MYRF: variants seen among roughly 807,000 people sequenced by gnomAD.
MYRF encodes myelin regulatory factor, also known as myelin gene regulatory factor.
Under a neutral mutation model 126.3 loss-of-function variants are expected in MYRF, and 16 were observed. The observed-to-expected ratio is 0.13, with a 90% CI of 0.09 to 0.19. MYRF has a LOEUF of 0.19. MYRF is among the 10% of genes least tolerant of loss of function. The pLI, the probability that MYRF is intolerant of heterozygous loss-of-function variation, is 1.00. For synonymous variants in MYRF, 608 were observed against 635.3 expected (o/e 0.96, Z 0.65); for missense variants, 1,104 against 1,547.0 (o/e 0.71, Z 4.80).
Position 61,777,117 on chromosome 11 carries a change from G to GT in MYRF, c.1591-146dup. On this transcript the variant is annotated intron_variant, in intron 11 of 26. Coordinates refer to ENST00000278836, the MANE Select transcript of MYRF (RefSeq NM_001127392.3). The surrounding 1 kb of genome is among the most constrained non-coding windows in gnomAD (Gnocchi z 8.8). Reference sequence around the variant, plus strand: ...CCACAAGTGACAAAAAGTTGTCACAGTGGGAGGGACAGTTCAAGTTGGGCT... The same window carrying GT: ...CCACAAGTGACAAAAAGTTGTCACAGTTGGGAGGGACAGTTCAAGTTGGGCT... The GT allele has an allele frequency of 1.5e-5, 13 of 888,906 alleles. No individual in the cohort carries two copies. The South Asian group carries it at 2.2e-4, about 15-fold the overall frequency. 55.1% of individuals were successfully genotyped at this position (888,906 alleles called of 1,614,324 possible). A position where few individuals can be genotyped will look rare whatever the true frequency, so the allele number is the denominator to read the frequency against.
intron 5 of MYRF, 35 bp from the exon 6 acceptor site, chr11:61,771,465 G>T: frequency 6.3e-7 from 1 of 1,592,094 alleles, no homozygotes; most frequent in Non-Finnish European, 8.6e-7. Flanking sequence ...CTCGGGGAGA[G>T]CCAGCCCCCA....
At chr11:61,775,834 G>A (rs1361783245) in intron 8 of MYRF, among the ~76,000 whole-genome samples, 1 of 151,752 alleles carries the variant, frequency 6.6e-6, no homozygotes, top group Admixed American at 6.6e-5. Flanking sequence ...TTGGGGGAGT[G>A]GTATGCTGTG....
intron 21 of MYRF, 119 bp downstream of exon 21, chr11:61,781,448 G>C: frequency 6.5e-7 from 1 of 1,538,954 alleles, no homozygotes; most frequent in Non-Finnish European, 8.8e-7. Context: ...GACAATGACT[G>C]GGAAGTTCCC....
Position 61,783,191 on chromosome 11 carries a change from C to G in MYRF, c.3017-307C>G. On this transcript the variant is annotated intron_variant, in intron 22 of 26. Transcript: ENST00000278836. The surrounding 1 kb of genome is among the most constrained non-coding windows in gnomAD (Gnocchi z 4.6). Reference sequence around the variant, plus strand: ...TCTGAACCCAGAACTGGGAGAGATGCCCGCAGTCAGGAACACAGGCCTCGA... The same window carrying G: ...TCTGAACCCAGAACTGGGAGAGATGGCCGCAGTCAGGAACACAGGCCTCGA... The G allele has an allele frequency of 3.8e-6, 1 of 261,916 alleles. No homozygotes were observed. 16.2% of individuals were successfully genotyped at this position (261,916 alleles called of 1,614,324 possible). A position where few individuals can be genotyped will look rare whatever the true frequency, so the allele number is the denominator to read the frequency against.
In MYRF at chr11:61,783,208, A is replaced by C; in HGVS notation, c.3017-290A>C. The C allele has an allele frequency of 3.4e-6, 1 of 296,970 alleles. No individual in the cohort carries two copies. Among genetic ancestry groups the C allele is most frequent in the African/African-American group, 2.1e-5 (1 of 47,056 alleles). The allele number at this position is 296,970 out of a possible 1,614,324, so 18.4% of individuals were successfully genotyped here. A position where few individuals can be genotyped will look rare whatever the true frequency, so the allele number is the denominator to read the frequency against. On this transcript the variant is annotated intron_variant, in intron 22 of 26. Coordinates refer to ENST00000278836, the MANE Select transcript of MYRF (RefSeq NM_001127392.3). This position sits in a 1 kb window ranked among gnomAD's most constrained non-coding sequence, Gnocchi z 4.6. ...GAGAGATGCCCGCAGTCAGGAACAC[A>C]GGCCTCGAGCGGGCTCCTGCACACC...
chr11:61,756,933 GCAGCAGAGGCTGCTGGGTAACAGCC>G, intron 1 of MYRF: 1 of 349,104 alleles, frequency 2.9e-6, no homozygotes, highest in Non-Finnish European at 5.7e-6. Flanking sequence ...GAGGGCCCTG[GCAGCAGAGGCTGCTGGGTAACAGCC>G]CAGCAGAGCT....
Position 61,776,201 on chromosome 11 carries a change from G to A in MYRF, c.1388+69G>A. ...CAACTAAAGCTGGCTTGGGAATGGA[G>A]GGGCCAGGGAGGTACCCAGGGTGTC... On this transcript the variant is annotated intron_variant, in intron 9 of 26. Coordinates refer to ENST00000278836, the MANE Select transcript of MYRF (RefSeq NM_001127392.3). This position sits in a 1 kb window ranked among gnomAD's most constrained non-coding sequence, Gnocchi z 4.3. The A allele has an allele frequency of 6.3e-7, 1 of 1,594,540 alleles. No individual in the cohort carries two copies. The highest frequency in any genetic ancestry group is 1.7e-5 in the Admixed American group (1 of 59,826).
At chr11:61,767,813 CAA>C (rs35214869) in intron 3 of MYRF, among the ~76,000 whole-genome samples, 6 of 64,914 alleles carry the variant, frequency 9.2e-5, no homozygotes, top group Admixed American at 2.0e-4. Flanking sequence ...GACCCTGTCT[CAA>C]AAAAAAAAAA....
Position 61,783,655 on chromosome 11 carries a change from G to A in MYRF, c.3119+55G>A. The A allele has an allele frequency of 6.5e-7, 1 of 1,531,940 alleles. No individual in the cohort carries two copies. 94.9% of individuals were successfully genotyped at this position (1,531,940 alleles called of 1,614,324 possible). A position where few individuals can be genotyped will look rare whatever the true frequency, so the allele number is the denominator to read the frequency against. ...GAGGTCCTCAGGTGACATGAGCCCA[G>A]GTGGTACAGATCACCCGGAACTTGC... On this transcript the variant is annotated intron_variant, in intron 23 of 26. Coordinates refer to ENST00000278836, the MANE Select transcript of MYRF (RefSeq NM_001127392.3). This position sits in a 1 kb window ranked among gnomAD's most constrained non-coding sequence, Gnocchi z 4.6.
Position 61,775,191 on chromosome 11 carries a change from AG to A in MYRF, c.1312-860del, listed in dbSNP as rs151153687. ...CCAACTCCTGCCCCACTTGAGACTC[AG>A]GGGGCCACAGCACTCCCTATCCTTC... is the stretch of plus-strand genomic sequence containing the variant. On this transcript the variant is annotated intron_variant, in intron 8 of 26. Coordinates refer to ENST00000278836, the MANE Select transcript of MYRF (RefSeq NM_001127392.3). Among the ~76,000 whole-genome samples, 58 of 152,170 alleles carry A rather than the reference AG, an allele frequency of 3.8e-4. 1 individual carries two copies. The East Asian group carries it at 9.1e-3, about 24-fold the overall frequency.
At position 61,770,232 on chromosome 11, in the gene MYRF, C is replaced by T; in HGVS notation, c.461-14C>T. 6.3e-7 allele frequency: 1 copy of T among 1,587,044 alleles called. No homozygotes were observed. Among genetic ancestry groups the T allele is most frequent in the South Asian group, 1.2e-5 (1 of 86,834 alleles). ...GGTTGGTCTCAGATGCCCGCTCCCC[C>T]ATCTCTCCTGCAGAGCCCCACCTCC... On this transcript the variant is annotated splice_polypyrimidine_tract_variant and intron_variant, in intron 4 of 26. Coordinates refer to ENST00000278836, the MANE Select transcript of MYRF (RefSeq NM_001127392.3).
At chr11:61,755,427 C>T (rs749571634) in intron 1 of MYRF, 2 of 1,610,262 alleles carry the variant, frequency 1.2e-6, no homozygotes, top group South Asian at 1.1e-5. Flanking sequence ...GGGCAGGATG[C>T]ACTGGCTTCC....
chr11:61,755,259 G>T lies in MYRF; in HGVS notation c.46+2469G>T. 4 of 1,010,862 alleles carry T rather than the reference G, an allele frequency of 4.0e-6. No individual in the cohort carries two copies. In the South Asian group the frequency reaches 6.1e-5, roughly 15 times the overall value. The allele number at this position is 1,010,862 out of a possible 1,614,324, so 62.6% of individuals were successfully genotyped here. On this transcript the variant is annotated intron_variant, in intron 1 of 26. Transcript: ENST00000278836. ...CCTGCCCTGTGCCGGTGGTGGGCTGGGGGCTAAGGCGCTTTGGACCTCAGG... is the reference window on the plus strand; with the variant it reads ...CCTGCCCTGTGCCGGTGGTGGGCTGTGGGCTAAGGCGCTTTGGACCTCAGG...
intron 22 of MYRF, chr11:61,782,512 G>A (rs2135884038): frequency 6.6e-6 from 1 of 152,422 alleles, no homozygotes; most frequent in South Asian, 2.1e-4. Context: ...CTGCCACTCT[G>A]TGGCTGGCTC....
At chr11:61,779,094 C>T (rs1292117404) in intron 14 of MYRF, 169 bp from the exon 15 acceptor site, 4 of 683,184 alleles carry the variant, frequency 5.9e-6, no homozygotes, top group East Asian at 2.7e-5. Flanking sequence ...CTGTGGGAGC[C>T]GAGGCTGGAT....
At chr11:61,784,882 G>A (rs116200343) in intron 25 of MYRF, 3,474 of 155,126 alleles carry the variant, frequency 0.022, 119 homozygotes, top group African/African-American at 0.077. Flanking sequence ...AGTTATGACT[G>A]TCCCTGGGGC....
chr11:61,784,578 C>T, intron 25 of MYRF, 193 bp downstream of exon 25: 1 of 584,252 alleles, frequency 1.7e-6, no homozygotes, highest in South Asian at 2.0e-5. Context: ...TCATTGCACT[C>T]TGCTGAGCAT....
intron 16 of MYRF, 93 bp from the exon 17 acceptor site, chr11:61,779,749 C>G: frequency 3.1e-6 from 4 of 1,305,486 alleles, no homozygotes; most frequent in Non-Finnish European, 4.3e-6. Context: ...ATGGGGCACC[C>G]CCTTAACCGC....
chr11:61,767,813 C>CAAA (rs35214869), intron 3 of MYRF, among the ~76,000 whole-genome samples: 930 of 64,200 alleles, frequency 0.014, 30 homozygotes, highest in Middle Eastern at 0.045. Flanking sequence ...GACCCTGTCT[C>CAAA]AAAAAAAAAA....
Sources: gnomAD v4.1 joint callset for allele counts (sites outside exome capture counted in the v4.1 genomes callset) on GRCh38, gnomAD v4.1.1 for gene constraint, Gnocchi (gnomAD v3.1) non-coding constraint, MANE v1.5 for transcripts, NCBI Gene and HGNC (gene_info 2026-07-23, HGNC 2026-07-21) for gene names.